Variants in NUDCD3 observed in about 807,000 individuals in gnomAD.
NUDCD3 encodes the protein NudC domain containing 3.
A neutral mutation model predicts 39.7 loss-of-function variants in NUDCD3; 13 were observed. The observed-to-expected ratio is 0.33, with a 90% CI of 0.21 to 0.52. The LOEUF is 0.52. NUDCD3 is among the 20% of genes least tolerant of loss of function. The pLI is 0.96. For synonymous variants in NUDCD3, 175 were observed against 172.4 expected (o/e 1.02, Z -0.12); for missense variants, 453 against 458.1 (o/e 0.99, Z 0.10).
At chr7:44,460,601 A>C (rs1009231911) in intron 2 of NUDCD3, among the ~76,000 whole-genome samples, 10 of 152,266 alleles carry the variant, frequency 6.6e-5, no homozygotes, top group African/African-American at 2.4e-4. Flanking sequence ...TTTACCACTG[A>C]CTACATCTGG....
At chr7:44,467,778 A>T (rs1272662540) in intron 2 of NUDCD3, 1 of 688,780 alleles carries the variant, frequency 1.5e-6, no homozygotes, top group Admixed American at 2.8e-5. Context: ...TTTAATTGTT[A>T]TCACCCTATT....
Position 44,392,437 on chromosome 7 carries a change from C to T in NUDCD3, c.835G>A (p.Gly279Arg). The change falls in exon 5 of 6, where the codon GGA (glycine) becomes AGA (arginine). Residue 279 changes from glycine to arginine, a missense_variant. By Grantham distance (125) the Gly-to-Arg change is moderately radical (BLOSUM62 -2). Transcript: ENST00000355451. ...GEYWWNAILE[G>R]EEPIDIDKIN... ...TTGTCAATGTCGATGGGCTCTTCTCCCTCCAGGATGGCGTTCCACCAATAC... is the reference window on the plus strand; with the variant it reads ...TTGTCAATGTCGATGGGCTCTTCTCTCTCCAGGATGGCGTTCCACCAATAC... The T allele has an allele frequency of 1.2e-6, 2 of 1,614,140 alleles. No individual in the cohort carries two copies. Among genetic ancestry groups the T allele is most frequent in the South Asian group, 1.1e-5 (1 of 91,076 alleles).
chr7:44,426,157 A>G lies in NUDCD3; in HGVS notation c.642+1414T>C, dbSNP rs1395486401. 6.1e-6 allele frequency: 6 copies of G among 985,260 alleles called. No homozygotes were observed. In the African/African-American group the frequency reaches 1.0e-4, roughly 17 times the overall value. The allele number at this position is 985,260 out of a possible 1,614,324, so 61.0% of individuals were successfully genotyped here. On this transcript the variant is annotated intron_variant, in intron 3 of 5. Coordinates refer to ENST00000355451, the MANE Select transcript of NUDCD3 (RefSeq NM_015332.4). ...TTCAATGGGTCTCACCCATGACCTG[A>G]TGTAGTTTAAAGGGGGGTGACCGGG...
At chr7:44,451,617 G>T (rs1340513445) in intron 2 of NUDCD3, among the ~76,000 whole-genome samples, 1 of 152,000 alleles carries the variant, frequency 6.6e-6, no homozygotes, top group Non-Finnish European at 1.5e-5. Flanking sequence ...GTTGCCTAAG[G>T]ATGGGAATGG....
chr7:44,464,213 CAA>C (rs776316432), intron 2 of NUDCD3, among the ~76,000 whole-genome samples: 22 of 70,040 alleles, frequency 3.1e-4, no homozygotes, highest in Middle Eastern at 8.3e-3. Flanking sequence ...GACCCCATCT[CAA>C]AAAAAAAAAA....
intron 3 of NUDCD3, among the ~76,000 whole-genome samples, chr7:44,421,437 A>G (rs1799137795): frequency 1.3e-5 from 2 of 150,894 alleles, no homozygotes; most frequent in African/African-American, 4.9e-5. Flanking sequence ...AAAGACACAC[A>G]TAAGCTCAAA....
chr7:44,423,998 C>T (rs2116897045), intron 3 of NUDCD3, among the ~76,000 whole-genome samples: 1 of 152,250 alleles, frequency 6.6e-6, no homozygotes, highest in African/African-American at 2.4e-5. Flanking sequence ...CACACATCTA[C>T]AACCATCTGA....
chr7:44,413,424 A>G (rs887989910), intron 3 of NUDCD3: 2 of 152,220 alleles, frequency 1.3e-5, no homozygotes, highest in African/African-American at 2.4e-5. Flanking sequence ...TCTGCAATAC[A>G]TATCACCTAC....
Position 44,386,060 on chromosome 7 carries a change from C to T in NUDCD3, c.1037G>A (p.Arg346Gln), listed in dbSNP as rs139501693. The change falls in exon 6 of 6, where the codon CGA (arginine) becomes CAA (glutamine). Residue 346 changes from arginine to glutamine, a missense_variant. Coordinates refer to ENST00000355451, the MANE Select transcript of NUDCD3 (RefSeq NM_015332.4). ...GATGTTGAACATGGCAGGGTCGAAT[C>T]GCTGGCCTCGGAAGGGAGAACCTTC... The part of the protein sequence containing the change: ...DAEGSPFRGQ[R>Q]FDPAMFNISP... 18 of 1,612,508 alleles carry T rather than the reference C, an allele frequency of 1.1e-5. No individual in the cohort carries two copies. The highest frequency in any genetic ancestry group is 8.0e-5 in the African/African-American group (6 of 74,856).
chr7:44,450,652 A>T (rs6978824), intron 2 of NUDCD3, among the ~76,000 whole-genome samples: 19,525 of 152,054 alleles, frequency 0.13, 1,662 homozygotes, highest in Non-Finnish European at 0.19. Flanking sequence ...TTAAAAAAAA[A>T]AATAAAACAC....
At chr7:44,484,931 G>A (rs751766287) in intron 2 of NUDCD3, 37 bp downstream of exon 2, 43 of 1,469,096 alleles carry the variant, frequency 2.9e-5, no homozygotes, top group East Asian at 9.1e-5. Context: ...CAGATGTTAC[G>A]CAAGAAAGAA....
chr7:44,434,966 C>T (rs1799437684), intron 2 of NUDCD3, among the ~76,000 whole-genome samples: 1 of 152,136 alleles, frequency 6.6e-6, no homozygotes, highest in Non-Finnish European at 1.5e-5. Flanking sequence ...CACTGCTTTC[C>T]CTTTAGAAAG....
chr7:44,402,915 A>C, intron 4 of NUDCD3: 1 of 257,992 alleles, frequency 3.9e-6, no homozygotes, highest in East Asian at 1.1e-4. Flanking sequence ...AACCACGTGA[A>C]GCTCAAGTGA....
chr7:44,447,407 A>C (rs2116930073), intron 2 of NUDCD3, among the ~76,000 whole-genome samples: 1 of 152,330 alleles, frequency 6.6e-6, no homozygotes, highest in South Asian at 2.1e-4. Flanking sequence ...GTGGAAACTT[A>C]ATGGCCAATG....
At chr7:44,433,621 C>T (rs1173769287) in intron 2 of NUDCD3, among the ~76,000 whole-genome samples, 1 of 152,160 alleles carries the variant, frequency 6.6e-6, no homozygotes. Flanking sequence ...GTGTGATGTA[C>T]GTGCCATGGG....
intron 2 of NUDCD3, among the ~76,000 whole-genome samples, chr7:44,435,422 A>T (rs973703432): frequency 6.6e-6 from 1 of 152,206 alleles, no homozygotes; most frequent in Non-Finnish European, 1.5e-5. Context: ...CAAAGACGGG[A>T]CAATCAGAAA....
intron 2 of NUDCD3, 98 bp from the exon 3 acceptor site, chr7:44,427,801 G>A: frequency 2.3e-6 from 3 of 1,289,924 alleles, no homozygotes; most frequent in Non-Finnish European, 3.2e-6. Context: ...CTGGAGACGT[G>A]ACCAACTCAA....
At chr7:44,486,095 G>A (rs1800604690) in intron 1 of NUDCD3, among the ~76,000 whole-genome samples, 1 of 152,170 alleles carries the variant, frequency 6.6e-6, no homozygotes, top group African/African-American at 2.4e-5. Context: ...CTGAATGAGA[G>A]GCACATCTTC....
intron 2 of NUDCD3, among the ~76,000 whole-genome samples, chr7:44,458,236 C>T (rs999528230): frequency 1.3e-5 from 2 of 152,152 alleles, no homozygotes; most frequent in African/African-American, 4.8e-5. Context: ...TGTATTATTC[C>T]ATTTATATGA....
Sources: gnomAD v4.1 joint callset for allele counts (sites outside exome capture counted in the v4.1 genomes callset) on GRCh38, gnomAD v4.1.1 for gene constraint, MANE v1.5 for transcripts, NCBI Gene and HGNC (gene_info 2026-07-23, HGNC 2026-07-21) for gene names.